The following TENM1 variants were observed in gnomAD, a reference collection of about 807,000 sequenced individuals.
TENM1 encodes teneurin-1.
TENM1 carries 35 observed loss-of-function variants against 174.8 expected under a neutral mutation model. That is an observed-to-expected ratio of 0.20 (90% CI 0.15 to 0.27). The LOEUF (loss-of-function observed/expected upper bound fraction) is 0.27. Ranked by LOEUF, TENM1 falls within the 10% of genes least tolerant of loss-of-function variation. The pLI is 1.00. For missense variants in TENM1, 1,633 were observed against 2,130.1 expected, an observed-to-expected ratio of 0.77 and a Z score of 4.59; for synonymous variants, 781 against 798.7, an observed-to-expected ratio of 0.98 and a Z score of 0.37.
intron 3 of TENM1, among the ~76,000 whole-genome samples, chrX:124,789,704 C>T (rs1320622969): frequency 9.0e-6 from 1 of 111,387 alleles, no homozygotes; most frequent in African/African-American, 3.3e-5. Context: ...ACCACCTCAG[C>T]CTGGATTTCA....
At chrX:124,674,929 C>T (rs1388074545) in intron 5 of TENM1, among the ~76,000 whole-genome samples, 1 of 111,329 alleles carries the variant, frequency 9.0e-6, no homozygotes, top group Non-Finnish European at 1.9e-5. Flanking sequence ...ACTAAGGGGG[C>T]TATTTTATAT....
intron 3 of TENM1, among the ~76,000 whole-genome samples, chrX:124,841,683 C>A (rs1395466668): frequency 9.1e-6 from 1 of 109,479 alleles, no homozygotes; most frequent in East Asian, 2.9e-4. Flanking sequence ...AATCAGCATA[C>A]CACCTACTGG....
intron 11 of TENM1, among the ~76,000 whole-genome samples, chrX:124,631,888 C>CAAAA (rs1207149583): frequency 3.4e-5 from 1 of 29,676 alleles, no homozygotes; most frequent in African/African-American, 1.2e-4. Context: ...GACTCTGTCT[C>CAAAA]AAAAAAAAAA....
chrX:124,640,521 T>C (rs1272162868), intron 11 of TENM1, among the ~76,000 whole-genome samples: 1 of 112,153 alleles, frequency 8.9e-6, no homozygotes, highest in Non-Finnish European at 1.9e-5. Flanking sequence ...TATACTTATT[T>C]AATGAGTACA....
intron 22 of TENM1, among the ~76,000 whole-genome samples, chrX:124,479,954 A>C (rs1380409298): frequency 2.7e-5 from 3 of 111,630 alleles, no homozygotes; most frequent in Non-Finnish European, 5.7e-5. Context: ...ATAAAGAAAA[A>C]ATTTACCATA....
At position 124,877,108 on chromosome X, in the gene TENM1, T is replaced by G. The variant is rs1037356035; in HGVS notation, c.535+17188A>C. On this transcript the variant is annotated intron_variant, in intron 3 of 31. Transcript: ENST00000422452. ...CAATAAAGGACATCCAGTTAAAAAA[T>G]TATAATTATTTATTTTGAAATAGGT... Among the ~76,000 whole-genome samples, 3 of 112,129 alleles carry G rather than the reference T, an allele frequency of 2.7e-5. No individual in the cohort carries two copies. The Admixed American group carries it at 2.8e-4, about 11-fold the overall frequency.
chrX:124,841,923 C>T (rs1263461438), intron 3 of TENM1, among the ~76,000 whole-genome samples: 1 of 112,041 alleles, frequency 8.9e-6, no homozygotes, highest in African/African-American at 3.2e-5. Flanking sequence ...CGTAGGTTGG[C>T]TTTTTTTGTG....
intron 4 of TENM1, among the ~76,000 whole-genome samples, chrX:124,721,883 G>A (rs62604291): frequency 2.1e-3 from 236 of 112,225 alleles, no homozygotes; most frequent in Middle Eastern, 0.018. Context: ...CAAATTATGC[G>A]TGCATACTTA....
intron 6 of TENM1, among the ~76,000 whole-genome samples, chrX:124,654,384 C>T (rs755690671): frequency 9.1e-4 from 102 of 112,356 alleles, no homozygotes; most frequent in African/African-American, 2.8e-3. Flanking sequence ...TTTTATTCGT[C>T]GGTATATTCC....
chrX:124,410,633 G>T (rs768131453), intron 25 of TENM1, among the ~76,000 whole-genome samples: 1 of 111,756 alleles, frequency 8.9e-6, no homozygotes, highest in South Asian at 3.8e-4. Flanking sequence ...CTGACAAAGG[G>T]CTAATATCCA....
At chrX:124,501,614 G>C (rs1337123737) in intron 19 of TENM1, among the ~76,000 whole-genome samples, 1 of 111,687 alleles carries the variant, frequency 9.0e-6, no homozygotes, top group Non-Finnish European at 1.9e-5. Flanking sequence ...AAAGAGTTAC[G>C]TTTTTTTCCA....
At chrX:125,020,528 T>C in the TENM1 span, among the ~76,000 whole-genome samples, 820 of 109,165 alleles carry the variant, frequency 7.5e-3, 7 homozygotes, top group African/African-American at 0.025. Context: ...AGGTTTATTT[T>C]TATTATTATT....
the TENM1 span, among the ~76,000 whole-genome samples, chrX:125,094,966 G>A: frequency 8.9e-6 from 1 of 112,195 alleles, no homozygotes; most frequent in Non-Finnish European, 1.9e-5. Flanking sequence ...AATGTGATAA[G>A]TGCTTCACTT....
At chrX:124,676,159 T>C (rs1291928726) in intron 5 of TENM1, among the ~76,000 whole-genome samples, 4 of 99,565 alleles carry the variant, frequency 4.0e-5, no homozygotes, top group African/African-American at 1.4e-4. Context: ...TACCAGAATA[T>C]ATACCTCCAA....
At chrX:124,662,705 G>A (rs1296480224) in intron 6 of TENM1, among the ~76,000 whole-genome samples, 1 of 111,138 alleles carries the variant, frequency 9.0e-6, no homozygotes, top group East Asian at 2.8e-4. Context: ...ATCACTAGGA[G>A]TGATTTTTCT....
At chrX:124,623,230 AGTGT>A (rs1210929816) in intron 11 of TENM1, among the ~76,000 whole-genome samples, 2 of 109,185 alleles carry the variant, frequency 1.8e-5, no homozygotes, top group African/African-American at 3.5e-5. Context: ...AACGTGCAAC[AGTGT>A]GTGTATATGT....
At chrX:124,486,015 C>A (rs761113536) in intron 21 of TENM1, among the ~76,000 whole-genome samples, 1 of 111,874 alleles carries the variant, frequency 8.9e-6, no homozygotes, top group African/African-American at 3.2e-5. Flanking sequence ...TGATAGCCAG[C>A]AGTCAGGAAG....
At chrX:124,735,322 A>G (rs919210683) in intron 4 of TENM1, among the ~76,000 whole-genome samples, 5 of 112,495 alleles carry the variant, frequency 4.4e-5, no homozygotes, top group African/African-American at 1.6e-4. Context: ...AAGGTGCTGT[A>G]TAAGTGGTCA....
In TENM1 at chrX:124,767,452, C is replaced by A. The variant is rs921953483; in HGVS notation, c.536-30255G>T. ...GTAGGTACCTGATTAAATATGTGAG[C>A]AAATAGTATTAATATTTACCTTGAA... is the stretch of plus-strand genomic sequence containing the variant. On this transcript the variant is annotated intron_variant, in intron 3 of 31. Transcript: ENST00000422452. Among the ~76,000 whole-genome samples, 5 of 111,302 alleles carry A rather than the reference C, an allele frequency of 4.5e-5. No homozygotes were observed. In the East Asian group the frequency reaches 8.4e-4, roughly 19 times the overall value.
Sources: gnomAD v4.1 joint callset for allele counts (sites outside exome capture counted in the v4.1 genomes callset) on GRCh38, gnomAD v4.1.1 for gene constraint, MANE v1.5 for transcripts, NCBI Gene and HGNC (gene_info 2026-07-23, HGNC 2026-07-21) for gene names.